The following NUBPL variants were observed in gnomAD, a reference collection of about 807,000 sequenced individuals.
NUBPL encodes the protein iron-sulfur cluster transfer protein NUBPL.
NUBPL carries 31 observed loss-of-function variants against 45.7 expected under a neutral mutation model. The observed-to-expected ratio is 0.68, with a 90% confidence interval of 0.51 to 0.92. The LOEUF (loss-of-function observed/expected upper bound fraction) is 0.92, where lower values mean the gene tolerates loss of function less well. NUBPL is among the 40% of genes least tolerant of loss of function. The pLI, the probability that NUBPL is intolerant of heterozygous loss-of-function variation, is 0.00. For synonymous variants in NUBPL, 144 were observed against 140.9 expected, an observed-to-expected ratio of 1.02 and a Z score of -0.15; for missense variants, 401 against 398.7, an observed-to-expected ratio of 1.01 and a Z score of -0.05.
At chr14:31,801,014 G>C (rs952833051) in intron 7 of NUBPL, 1 of 152,204 alleles carries the variant, frequency 6.6e-6, no homozygotes, top group Non-Finnish European at 1.5e-5. Flanking sequence ...CTAGGGACTA[G>C]TGACAGTACA....
intron 6 of NUBPL, among the ~76,000 whole-genome samples, chr14:31,688,376 G>A (rs2037004720): frequency 1.3e-5 from 2 of 151,954 alleles, no homozygotes; most frequent in African/African-American, 2.4e-5. Flanking sequence ...AGGAGTTTGA[G>A]ACCAGCCTGG....
intron 7 of NUBPL, among the ~76,000 whole-genome samples, chr14:31,792,593 A>C (rs932257933): frequency 1.1e-4 from 16 of 152,296 alleles, no homozygotes; most frequent in Admixed American, 3.3e-4. Flanking sequence ...TCAGTATTAA[A>C]ATGGATAACA....
chr14:31,607,271 T>G (rs1371818768), intron 4 of NUBPL, among the ~76,000 whole-genome samples: 3 of 151,862 alleles, frequency 2.0e-5, no homozygotes, highest in Non-Finnish European at 4.4e-5. Context: ...TAGTCCCAGC[T>G]ACTCGGGAGG....
At chr14:31,586,998 A>G (rs900467948) in intron 3 of NUBPL, among the ~76,000 whole-genome samples, 4 of 152,182 alleles carry the variant, frequency 2.6e-5, no homozygotes, top group Admixed American at 2.6e-4. Flanking sequence ...TCACTTTCTA[A>G]TCATGAAACC....
At chr14:31,664,051 T>A (rs1358047199) in intron 4 of NUBPL, among the ~76,000 whole-genome samples, 2 of 152,180 alleles carry the variant, frequency 1.3e-5, no homozygotes, top group African/African-American at 4.8e-5. Context: ...CTGTTATTGG[T>A]GTATAGGAAT....
chr14:31,830,185 A>G (rs2040167145), intron 8 of NUBPL, among the ~76,000 whole-genome samples: 1 of 152,222 alleles, frequency 6.6e-6, no homozygotes, highest in South Asian at 2.1e-4. Flanking sequence ...TCACTTAGTT[A>G]CTTTTAATTC....
chr14:31,639,422 G>T (rs1400761878), intron 4 of NUBPL, among the ~76,000 whole-genome samples: 2 of 152,226 alleles, frequency 1.3e-5, no homozygotes, highest in Admixed American at 1.3e-4. Flanking sequence ...AAATGCTGCT[G>T]TATGATCGTT....
chr14:31,647,736 T>A (rs147007099), intron 4 of NUBPL, among the ~76,000 whole-genome samples: 210 of 152,350 alleles, frequency 1.4e-3, no homozygotes, highest in Middle Eastern at 0.01. Context: ...TGATGCTTCC[T>A]GTGGGTTGAG....
At position 31,673,353 on chromosome 14, in the gene NUBPL, A is replaced by G. The variant is rs1397103656; in HGVS notation, c.383-2A>G. The G allele has an allele frequency of 6.4e-7, 1 of 1,571,004 alleles. No individual in the cohort carries two copies. Among genetic ancestry groups the G allele is most frequent in the Non-Finnish European group, 8.7e-7 (1 of 1,152,682 alleles). On this transcript the variant is annotated splice_acceptor_variant, in intron 4 of 10. Transcript: ENST00000281081. LOFTEE classifies it high-confidence loss of function. ...AAAAGAGAGGATTTTTTTTTTTTCC[A>G]GGCAACCTAATGAGGCCTCTCTTGA...
intron 4 of NUBPL, among the ~76,000 whole-genome samples, chr14:31,639,504 T>G (rs1403919175): frequency 6.6e-6 from 1 of 152,128 alleles, no homozygotes. Context: ...GGGGGGTGCC[T>G]CCCAGTTAGG....
intron 6 of NUBPL, among the ~76,000 whole-genome samples, chr14:31,765,333 T>C (rs1225307873): frequency 6.6e-6 from 1 of 152,248 alleles, no homozygotes; most frequent in East Asian, 1.9e-4. Flanking sequence ...AATTACACAT[T>C]CAGATCATTT....
At chr14:31,691,496 A>G (rs1390125519) in intron 6 of NUBPL, among the ~76,000 whole-genome samples, 1 of 152,146 alleles carries the variant, frequency 6.6e-6, no homozygotes, top group African/African-American at 2.4e-5. Flanking sequence ...GTGTTGTTCA[A>G]AGGTCAATTG....
At chr14:31,843,256 A>G (rs900747758) in intron 8 of NUBPL, among the ~76,000 whole-genome samples, 3 of 152,248 alleles carry the variant, frequency 2.0e-5, no homozygotes, top group Non-Finnish European at 2.9e-5. Flanking sequence ...TTCATTGGCC[A>G]AAACAAGTTA....
intron 6 of NUBPL, among the ~76,000 whole-genome samples, chr14:31,709,115 A>C (rs2037515762): frequency 6.6e-6 from 1 of 152,130 alleles, no homozygotes; most frequent in Non-Finnish European, 1.5e-5. Context: ...CAGGTTTAAT[A>C]ATGTCTCCAA....
chr14:31,760,144 T>TGAGAGAGAGAGA (rs1555335613), intron 6 of NUBPL, among the ~76,000 whole-genome samples: 3 of 34,830 alleles, frequency 8.6e-5, no homozygotes, highest in Admixed American at 3.7e-4. Context: ...TGTGTGTGTG[T>TGAGAGAGAGAGA]GAGAGAGAGA....
At chr14:31,760,335 A>G (rs774233659) in intron 6 of NUBPL, among the ~76,000 whole-genome samples, 3 of 151,576 alleles carry the variant, frequency 2.0e-5, no homozygotes, top group South Asian at 2.1e-4. Context: ...TGTATTTTTT[A>G]TAGAGATGGG....
intron 3 of NUBPL, among the ~76,000 whole-genome samples, chr14:31,583,843 A>G (rs1467790009): frequency 6.6e-6 from 1 of 151,962 alleles, no homozygotes; most frequent in Non-Finnish European, 1.5e-5. Context: ...TATAGATTGG[A>G]TATGGGAGTG....
At chr14:31,833,194 C>G (rs1258948545) in intron 8 of NUBPL, among the ~76,000 whole-genome samples, 1 of 151,894 alleles carries the variant, frequency 6.6e-6, no homozygotes, top group East Asian at 1.9e-4. Flanking sequence ...ATATTGAGAC[C>G]CCTGTCTCTT....
chr14:31,709,362 G>T (rs1194733306), intron 6 of NUBPL, among the ~76,000 whole-genome samples: 1 of 152,162 alleles, frequency 6.6e-6, no homozygotes, highest in Non-Finnish European at 1.5e-5. Context: ...ATTCTCCTTA[G>T]TCCTTCTAGA....
Sources: gnomAD v4.1 joint callset for allele counts (sites outside exome capture counted in the v4.1 genomes callset) on GRCh38, gnomAD v4.1.1 for gene constraint, MANE v1.5 for transcripts, NCBI Gene and HGNC (gene_info 2026-07-23, HGNC 2026-07-21) for gene names.